The following AK9 variants were observed in gnomAD, a reference collection of about 807,000 sequenced individuals.
The protein encoded by AK9 is adenylate kinase domain containing 1.
In AK9, 191 loss-of-function variants were observed where a neutral mutation model predicts 239.6. The observed-to-expected ratio is 0.80, with a 90% CI of 0.71 to 0.90. The LOEUF (loss-of-function observed/expected upper bound fraction) is 0.90, where lower values mean the gene tolerates loss of function less well. Ranked by LOEUF, AK9 falls within the 40% of genes least tolerant of loss-of-function variation. The probability of loss-of-function intolerance (pLI) is 0.00; values close to 1 mark genes in which losing one functional copy is unlikely to be tolerated. For missense variants in AK9, 1,995 were observed against 2,214.7 expected, an observed-to-expected ratio of 0.90 and a Z score of 1.99; for synonymous variants, 689 against 721.0, an observed-to-expected ratio of 0.96 and a Z score of 0.71.
intron 1 of AK9, among the ~76,000 whole-genome samples, chr6:109,687,139 G>A (rs1294083514): frequency 6.6e-6 from 1 of 152,182 alleles, no homozygotes; most frequent in African/African-American, 2.4e-5. Context: ...CTGAAAAATG[G>A]TGATTAGGGG....
intron 3 of AK9, among the ~76,000 whole-genome samples, chr6:109,673,032 T>TC (rs1771166863): frequency 6.6e-6 from 1 of 152,208 alleles, no homozygotes; most frequent in Non-Finnish European, 1.5e-5. Flanking sequence ...AGAGGAAATG[T>TC]ATCATTCCTT....
chr6:109,643,670 C>T (rs1470621645), intron 9 of AK9, among the ~76,000 whole-genome samples: 2 of 152,198 alleles, frequency 1.3e-5, no homozygotes, highest in South Asian at 2.1e-4. Flanking sequence ...AAACTCCTTA[C>T]TATGGTTTAC....
chr6:109,670,691 G>A (rs143928127), intron 5 of AK9, among the ~76,000 whole-genome samples: 1 of 151,964 alleles, frequency 6.6e-6, no homozygotes, highest in African/African-American at 2.4e-5. Flanking sequence ...GGTAAGTGAG[G>A]TTAACAAATA....
intron 1 of AK9, among the ~76,000 whole-genome samples, chr6:109,688,927 CAG>C (rs1358641162): frequency 2.6e-5 from 4 of 152,104 alleles, no homozygotes; most frequent in South Asian, 2.1e-4. Flanking sequence ...TTCTTGAACT[CAG>C]GGGATTCTCT....
chr6:109,666,742 A>T (rs1053118882), intron 5 of AK9, among the ~76,000 whole-genome samples: 2 of 152,220 alleles, frequency 1.3e-5, no homozygotes, highest in African/African-American at 2.4e-5. Flanking sequence ...ATTCAGAGAT[A>T]TCAGGTAGCT....
At chr6:109,632,021 G>A in intron 12 of AK9, 1 of 323,492 alleles carries the variant, frequency 3.1e-6, no homozygotes, top group Non-Finnish European at 4.4e-6. Flanking sequence ...ACCTTTGTGT[G>A]GAGAGTGAGG....
intron 1 of AK9, among the ~76,000 whole-genome samples, chr6:109,684,151 G>T (rs1773096172): frequency 6.6e-6 from 1 of 152,158 alleles, no homozygotes; most frequent in African/African-American, 2.4e-5. Flanking sequence ...ATGGGGAAAA[G>T]ATTCCCTATT....
intron 35 of AK9, 65 bp from the exon 36 acceptor site, chr6:109,499,305 A>G (rs571671415): frequency 1.7e-5 from 21 of 1,251,778 alleles, no homozygotes; most frequent in Admixed American, 3.0e-5. Context: ...TGATTTTAGA[A>G]ATTAAAATAA....
intron 38 of AK9, among the ~76,000 whole-genome samples, chr6:109,497,189 A>G (rs1331517346): frequency 2.0e-5 from 3 of 152,052 alleles, no homozygotes; most frequent in African/African-American, 7.2e-5. Context: ...CACACAATTC[A>G]GTTAGACCTT....
chr6:109,666,443 C>G (rs1801211323), intron 5 of AK9, among the ~76,000 whole-genome samples: 1 of 152,210 alleles, frequency 6.6e-6, no homozygotes. Flanking sequence ...CCTTGCCCTT[C>G]CATGCTAACG....
intron 24 of AK9, among the ~76,000 whole-genome samples, chr6:109,557,488 G>A (rs772949335): frequency 1.3e-5 from 2 of 152,136 alleles, no homozygotes; most frequent in Non-Finnish European, 2.9e-5. Context: ...CAGGGAGCCA[G>A]ACCCATTTAA....
chr6:109,638,521 G>A (rs989489228), intron 10 of AK9, among the ~76,000 whole-genome samples: 4 of 151,728 alleles, frequency 2.6e-5, no homozygotes, highest in African/African-American at 9.7e-5. Context: ...GCTTTATCAC[G>A]CAGGCTGGAG....
rs201968582 is a variant in AK9, at chr6:109,573,596, T to TA, written c.2192-3dup. ...CCTCATTATCAGTCTCTTCAGCTTC[T>TA]AAAAAAATTTGAAGAAATAAATTAT... On this transcript the variant is annotated splice_region_variant and splice_polypyrimidine_tract_variant and intron_variant, in intron 20 of 40. Transcript: ENST00000424296. 1,932 of 1,533,380 alleles carry TA rather than the reference T, an allele frequency of 1.3e-3. 22 individuals are homozygous for TA. In the African/African-American group the frequency reaches 0.025, roughly 20 times the overall value. 95.0% of individuals were successfully genotyped at this position (1,533,380 alleles called of 1,614,324 possible).
chr6:109,606,645 T>C lies in AK9; in HGVS notation c.1842+3720A>G, dbSNP rs141563362. Among the ~76,000 whole-genome samples, 328 of 152,294 alleles carry C rather than the reference T, an allele frequency of 2.2e-3. 3 individuals are homozygous for C. Among genetic ancestry groups the C allele is most frequent in the African/African-American group, 7.7e-3 (320 of 41,542 alleles). On this transcript the variant is annotated intron_variant, in intron 17 of 40. Coordinates refer to ENST00000424296, the MANE Select transcript of AK9 (RefSeq NM_001145128.3). ...GTTTTTCTGTTAGGTACTGGGCAAG[T>C]ACCTTTCATATAGCCAGTGTAACAG...
At chr6:109,595,057 T>A (rs1360490268) in intron 17 of AK9, among the ~76,000 whole-genome samples, 2 of 152,178 alleles carry the variant, frequency 1.3e-5, no homozygotes, top group African/African-American at 4.8e-5. Flanking sequence ...GAAACCATCA[T>A]CAGAGTTAAC....
At chr6:109,611,965 A>T in intron 16 of AK9, 45 bp downstream of exon 16, 1 of 1,328,442 alleles carries the variant, frequency 7.5e-7, no homozygotes, top group Non-Finnish European at 1.0e-6. Context: ...TGTGTTTTTT[A>T]GAACCACAAT....
At chr6:109,610,049 G>A (rs560942626) in intron 17 of AK9, among the ~76,000 whole-genome samples, 11 of 152,196 alleles carry the variant, frequency 7.2e-5, no homozygotes, top group Non-Finnish European at 1.3e-4. Flanking sequence ...TATAACTTTG[G>A]TACCTAGTAC....
rs564331631 is a variant in AK9 at position 109,594,534 on chromosome 6, A to G, written c.1843-8462T>C. On this transcript the variant is annotated intron_variant, in intron 17 of 40. Coordinates refer to ENST00000424296, the MANE Select transcript of AK9 (RefSeq NM_001145128.3). Reference sequence around the variant, plus strand: ...CTATCAAATTACACATGGAACCAAAAAAGAGCTCATATAGCCAAGACAATC... The same window carrying G: ...CTATCAAATTACACATGGAACCAAAGAAGAGCTCATATAGCCAAGACAATC... Among the ~76,000 whole-genome samples the G allele has an allele frequency of 2.6e-5, 4 of 152,350 alleles. No individual in the cohort carries two copies. The South Asian group carries it at 8.3e-4, about 32-fold the overall frequency.
intron 28 of AK9, among the ~76,000 whole-genome samples, chr6:109,530,784 G>A (rs1029593308): frequency 3.3e-5 from 5 of 152,274 alleles, no homozygotes; most frequent in South Asian, 2.1e-4. Context: ...TTTAACTCAC[G>A]TAATATCACA....
Sources: gnomAD v4.1 joint callset for allele counts (sites outside exome capture counted in the v4.1 genomes callset) on GRCh38, gnomAD v4.1.1 for gene constraint, MANE v1.5 for transcripts, NCBI Gene and HGNC (gene_info 2026-07-23, HGNC 2026-07-21) for gene names.